SOX15: variants seen among roughly 807,000 people sequenced by gnomAD.
SOX15 encodes SRY-box transcription factor 15.
SOX15 carries 12 observed loss-of-function variants against 15.9 expected under a neutral mutation model. That is an observed-to-expected ratio of 0.75 (90% CI 0.48 to 1.22). SOX15 has a LOEUF of 1.22. Among genes scored for constraint, SOX15 ranks in the 50% most tolerant of loss-of-function variants. SOX15 has a pLI of 0.00. For missense variants in SOX15, 309 were observed against 313.9 expected (o/e 0.98, Z 0.12); for synonymous variants, 149 against 142.8 (o/e 1.04, Z -0.31).
At position 7,589,504 on chromosome 17, in the gene SOX15, A is replaced by G; in HGVS notation, c.173T>C (p.Val58Ala). 1 of 1,612,886 alleles carries G rather than the reference A, an allele frequency of 6.2e-7. No homozygotes were observed. The highest frequency in any genetic ancestry group is 8.5e-7 in the Non-Finnish European group (1 of 1,179,618). ...KVKRPMNAFM[V>A]WSSAQRRQMA... ...CTGGCGGCGCTGAGCGGAGCTCCAC[A>G]CCATGAACGCGTTCATCGGCCGCTT... Residue 58 changes from valine to alanine, a missense_variant, in exon 1 of 2, where the codon GTG (valine) becomes GCG (alanine). Transcript: ENST00000250055.
chr17:7,589,024 A>G, intron 1 of SOX15, 120 bp downstream of exon 1: 2 of 943,716 alleles, frequency 2.1e-6, no homozygotes, highest in East Asian at 2.8e-5. Flanking sequence ...CGCCCGCCAC[A>G]CCTTGGCCGC....
rs1464994543 is a variant in SOX15 at position 7,588,503 on chromosome 17, G to T, written c.577C>A (p.Pro193Thr). 1 of 1,613,872 alleles carries T rather than the reference G, an allele frequency of 6.2e-7. No individual in the cohort carries two copies. Among genetic ancestry groups the T allele is most frequent in the African/African-American group, 1.3e-5 (1 of 75,034 alleles). The change falls in exon 2 of 2, where the codon CCT becomes ACT. Residue 193 changes from proline (P) to threonine (T), a missense_variant. Physicochemically the swap from Pro to Thr is conservative, Grantham distance 38. Transcript: ENST00000250055. The stretch of plus-strand genomic sequence containing the variant: ...CCCTGGAGCCTAGGGTCACTCTGAG[G>T]GAGGGAGCACGGTGAGGGGGCTTCC... ...KLEAPSPCSL[P>T]QSDPRLQGEL...
In SOX15 at chr17:7,589,380, C is replaced by T; in HGVS notation, c.297G>A (p.Val99=). 1 of 1,612,424 alleles carries T rather than the reference C, an allele frequency of 6.2e-7. No individual in the cohort carries two copies. The highest frequency in any genetic ancestry group is 1.1e-5 in the South Asian group (1 of 90,978). Residue 99 remains valine (V), a synonymous_variant, in exon 1 of 2, where the codon GTG becomes GTA. Transcript: ENST00000250055. ...GGGCGCGGAGCCGCTTGGCCTCCTC[C>T]ACGAAGGGCCGCTTCTCGTCCTCGT... ...LLDEDEKRPF[V]EEAKRLRARH...
In SOX15 at chr17:7,589,680, T is replaced by C; in HGVS notation, c.-4A>G. 3.9e-6 allele frequency: 6 copies of C among 1,533,790 alleles called. No individual in the cohort carries two copies. Among genetic ancestry groups the C allele is most frequent in the African/African-American group, 1.4e-5 (1 of 72,598 alleles). ...GTGAGGAGCCTGGTAGCGCCATGGG[T>C]TGGGAGAAGCCTTAAGAGGGCGTCC... On this transcript the variant is annotated 5_prime_UTR_variant, in exon 1 of 2. Transcript: ENST00000250055.
Position 7,588,354 on chromosome 17 carries a change from C to A in SOX15, c.*24G>T, listed in dbSNP as rs1358455983. 6.2e-7 allele frequency: 1 copy of A among 1,611,258 alleles called. No homozygotes were observed. The highest frequency in any genetic ancestry group is 1.3e-5 in the African/African-American group (1 of 74,910). On this transcript the variant is annotated 3_prime_UTR_variant, in exon 2 of 2. Coordinates refer to ENST00000250055, the MANE Select transcript of SOX15 (RefSeq NM_006942.2). ...TTAAAAAAGGAGGATGAGGCCCGTCCCGTGAGGTCTGCGTCCATGAGGGTT... is the reference window on the plus strand; with the variant it reads ...TTAAAAAAGGAGGATGAGGCCCGTCACGTGAGGTCTGCGTCCATGAGGGTT...
At chr17:7,589,047 C>G in intron 1 of SOX15, 97 bp downstream of exon 1, 5 of 1,215,650 alleles carry the variant, frequency 4.1e-6, no homozygotes, top group Non-Finnish European at 5.5e-6. Flanking sequence ...GTGGCCTCTG[C>G]TTGGGTGGGC....
chr17:7,588,918 CT>C, intron 1 of SOX15: 1 of 591,472 alleles, frequency 1.7e-6, no homozygotes, highest in Middle Eastern at 4.5e-4. Context: ...TCACCTGACC[CT>C]ACAGGGCCCA....
At position 7,589,564 on chromosome 17, in the gene SOX15, G is replaced by T. The variant is rs1245004199; in HGVS notation, c.113C>A (p.Pro38His). The change falls in exon 1 of 2, where the codon CCC becomes CAC. Residue 38 changes from proline (P) to histidine (H), a missense_variant. Transcript: ENST00000250055. ...GPQEREGAGS[P>H]AAPGTLPLEK... ...CAGGGGCAGCGTCCCGGGGGCCGCGGGGCTCCCAGCGCCCTCCCGCTCCTG... is the reference window on the plus strand; with the variant it reads ...CAGGGGCAGCGTCCCGGGGGCCGCGTGGCTCCCAGCGCCCTCCCGCTCCTG... The T allele has an allele frequency of 6.3e-7, 1 of 1,594,978 alleles. No homozygotes were observed. The highest frequency in any genetic ancestry group is 2.3e-5 in the East Asian group (1 of 43,956).
At position 7,588,520 on chromosome 17, in the gene SOX15, G is replaced by C; in HGVS notation, c.560C>G (p.Pro187Arg). ...YGSSHCKLEA[P>R]SPCSLPQSDP... The stretch of plus-strand genomic sequence containing the variant: ...ACTCTGAGGGAGGGAGCACGGTGAG[G>C]GGGCTTCCAGTTTGCAGTGGGAAGA... Residue 187 changes from proline to arginine, a missense_variant, in exon 2 of 2, where the codon CCC becomes CGC. Transcript: ENST00000250055. 1 of 1,613,482 alleles carries C rather than the reference G, an allele frequency of 6.2e-7. No individual in the cohort carries two copies. Among genetic ancestry groups the C allele is most frequent in the Non-Finnish European group, 8.5e-7 (1 of 1,179,976 alleles).
intron 1 of SOX15, 83 bp from the exon 2 acceptor site, chr17:7,588,629 G>A (rs1370114966): frequency 7.8e-6 from 11 of 1,417,244 alleles, no homozygotes; most frequent in East Asian, 6.9e-5. Context: ...AGGGTAGAGC[G>A]TGCCACCCAC....
chr17:7,589,508 T>A lies in SOX15; in HGVS notation c.169A>T (p.Met57Leu). ...EKVKRPMNAF[M>L]VWSSAQRRQM... Reference sequence around the variant, plus strand: ...CGGCGCTGAGCGGAGCTCCACACCATGAACGCGTTCATCGGCCGCTTCACC... The same window carrying A: ...CGGCGCTGAGCGGAGCTCCACACCAAGAACGCGTTCATCGGCCGCTTCACC... The change falls in exon 1 of 2, where the codon ATG becomes TTG. Residue 57 changes from methionine to leucine, a missense_variant. Physicochemically the swap from Met to Leu is conservative, Grantham distance 15. Transcript: ENST00000250055. 6.2e-7 allele frequency: 1 copy of A among 1,612,778 alleles called. No homozygotes were observed. The highest frequency in any genetic ancestry group is 8.5e-7 in the Non-Finnish European group (1 of 1,179,596).
At position 7,589,126 on chromosome 17, in the gene SOX15, C is replaced by T; in HGVS notation, c.533+18G>A. ...GGCGCATGGGCCTCCGTCTTCGGCC[C>T]GCTTCCCAGGCACTCACCCATAGCT... On this transcript the variant is annotated intron_variant, in intron 1 of 1. Coordinates refer to ENST00000250055, the MANE Select transcript of SOX15 (RefSeq NM_006942.2). The T allele has an allele frequency of 1.4e-6, 2 of 1,458,938 alleles. No individual in the cohort carries two copies. The highest frequency in any genetic ancestry group is 1.4e-5 in the South Asian group (1 of 71,124). The allele number at this position is 1,458,938 out of a possible 1,614,324, so 90.4% of individuals were successfully genotyped here.
chr17:7,589,419 C>G lies in SOX15; in HGVS notation c.258G>C (p.Gln86His). Residue 86 changes from glutamine (Q) to histidine (H), a missense_variant, in exon 1 of 2, where the codon CAG becomes CAC. Coordinates refer to ENST00000250055, the MANE Select transcript of SOX15 (RefSeq NM_006942.2). ...TCTCGTCCTCGTCCAGCAGCTTCCACTGCGCGCCCAGGCGCTTGGAGATCT... is the reference window on the plus strand; with the variant it reads ...TCTCGTCCTCGTCCAGCAGCTTCCAGTGCGCGCCCAGGCGCTTGGAGATCT... ...NSEISKRLGA[Q>H]WKLLDEDEKR... 1 of 1,613,830 alleles carries G rather than the reference C, an allele frequency of 6.2e-7. No individual in the cohort carries two copies. Among genetic ancestry groups the G allele is most frequent in the Non-Finnish European group, 8.5e-7 (1 of 1,179,894 alleles).
In SOX15 at chr17:7,588,337, G is replaced by T. The variant is rs764427019; in HGVS notation, c.*41C>A. 6.3e-7 allele frequency: 1 copy of T among 1,598,378 alleles called. No homozygotes were observed. The highest frequency in any genetic ancestry group is 8.6e-7 in the Non-Finnish European group (1 of 1,165,776). ...TAGGGGATGCTGCTGGATTAAAAAA[G>T]GAGGATGAGGCCCGTCCCGTGAGGT... On this transcript the variant is annotated 3_prime_UTR_variant, in exon 2 of 2. Transcript: ENST00000250055.
In SOX15 at chr17:7,589,179, G is replaced by A; in HGVS notation, c.498C>T (p.Pro166=). Residue 166 remains proline (P), a synonymous_variant, in exon 1 of 2, where the codon CCC becomes CCT. Coordinates refer to ENST00000250055, the MANE Select transcript of SOX15 (RefSeq NM_006942.2). ...CAGGCAGGTAGGCTGTCGAGTAGCT[G>A]GGGGGTCTGTACCCAAAGCCTCTGC... ...QPSRGFGYRP[P]SYSTAYLPGS... is the part of the protein sequence containing the mutation. 1 of 1,518,150 alleles carries A rather than the reference G, an allele frequency of 6.6e-7. No homozygotes were observed. Among genetic ancestry groups the A allele is most frequent in the Non-Finnish European group, 8.9e-7 (1 of 1,128,986 alleles). The allele number at this position is 1,518,150 out of a possible 1,614,324, so 94.0% of individuals were successfully genotyped here.
Position 7,589,585 on chromosome 17 carries a change from T to C in SOX15, c.92A>G (p.Glu31Gly). 1 of 1,575,084 alleles carries C rather than the reference T, an allele frequency of 6.3e-7. No individual in the cohort carries two copies. The highest frequency in any genetic ancestry group is 8.6e-7 in the Non-Finnish European group (1 of 1,163,122). Residue 31 changes from glutamate (E) to glycine (G), a missense_variant, in exon 1 of 2, where the codon GAG becomes GGG. Physicochemically the swap from Glu to Gly is moderately conservative, Grantham distance 98 (BLOSUM62 -2). Transcript: ENST00000250055. ...AAASSSSGPQ[E>G]REGAGSPAAP... Reference sequence around the variant, plus strand: ...CGCGGGGCTCCCAGCGCCCTCCCGCTCCTGGGGTCCCGAAGATGAGGAGGC... The same window carrying C: ...CGCGGGGCTCCCAGCGCCCTCCCGCCCCTGGGGTCCCGAAGATGAGGAGGC...
At position 7,588,496 on chromosome 17, in the gene SOX15, CT is replaced by C; in HGVS notation, c.583del (p.Ser195ValfsTer36). 4 of 1,613,858 alleles carry C rather than the reference CT, an allele frequency of 2.5e-6. No individual in the cohort carries two copies. Among genetic ancestry groups the C allele is most frequent in the Non-Finnish European group, 3.4e-6 (4 of 1,179,960 alleles). ...EAPSPCSLPQ[S>X]DPRLQGELLP... is the part of the protein sequence containing the mutation. ...CAGTTCCCCCTGGAGCCTAGGGTCACTCTGAGGGAGGGAGCACGGTGAGGGG... is the reference window on the plus strand; with the variant it reads ...CAGTTCCCCCTGGAGCCTAGGGTCACCTGAGGGAGGGAGCACGGTGAGGGG... On this transcript the variant is annotated frameshift_variant, in exon 2 of 2. Transcript: ENST00000250055. LOFTEE classifies it low-confidence loss of function (END_TRUNC).
chr17:7,588,281 T>A lies in SOX15; in HGVS notation c.*97A>T. ...ACTGCAGGCTGCCTCTGAACTGTAG[T>A]CCAACAGGAGAAAGGGTTGACAGCC... On this transcript the variant is annotated 3_prime_UTR_variant, in exon 2 of 2. Transcript: ENST00000250055. 2.4e-6 allele frequency: 3 copies of A among 1,233,136 alleles called. No homozygotes were observed. The highest frequency in any genetic ancestry group is 3.6e-6 in the Non-Finnish European group (3 of 832,330). 76.4% of individuals were successfully genotyped at this position (1,233,136 alleles called of 1,614,324 possible).
rs763106267 is a variant in SOX15 at position 7,588,230 on chromosome 17, C to T, written c.*148G>A. The T allele has an allele frequency of 2.1e-5, 17 of 813,814 alleles. No homozygotes were observed. Among genetic ancestry groups the T allele is most frequent in the African/African-American group, 8.4e-5 (5 of 59,692 alleles). The allele number at this position is 813,814 out of a possible 1,614,324, so 50.4% of individuals were successfully genotyped here. A position where few individuals can be genotyped will look rare whatever the true frequency, so the allele number is the denominator to read the frequency against. On this transcript the variant is annotated 3_prime_UTR_variant, in exon 2 of 2. Transcript: ENST00000250055. ...ACCAAAAATATAATTGTATGTTGTGCGGCTCTCCCTGGCTATCATGGGAGG... is the reference window on the plus strand; with the variant it reads ...ACCAAAAATATAATTGTATGTTGTGTGGCTCTCCCTGGCTATCATGGGAGG...
Sources: allele counts gnomAD v4.1 joint callset, GRCh38; gene constraint gnomAD v4.1.1; transcripts MANE v1.5; gene names NCBI Gene and HGNC (gene_info 2026-07-23, HGNC 2026-07-21).